Variants in SLC9A2 observed in about 807,000 individuals in gnomAD.
SLC9A2 encodes solute carrier family 9 member A2.
A neutral mutation model predicts 71.7 loss-of-function variants in SLC9A2; 42 were observed. The ratio of observed to expected loss-of-function variants is 0.59; its 90% confidence interval spans 0.46 to 0.76. SLC9A2 has a LOEUF of 0.76. Ranked by LOEUF, SLC9A2 falls within the 30% of genes least tolerant of loss-of-function variation. The pLI, the probability that SLC9A2 is intolerant of heterozygous loss-of-function variation, is 0.00. For missense variants in SLC9A2, 829 were observed against 1,017.4 expected, an observed-to-expected ratio of 0.81 and a Z score of 2.52; for synonymous variants, 396 against 392.5, an observed-to-expected ratio of 1.01 and a Z score of -0.10.
At chr2:102,655,392 G>A (rs2104518169) in intron 1 of SLC9A2, among the ~76,000 whole-genome samples, 1 of 152,200 alleles carries the variant, frequency 6.6e-6, no homozygotes, top group South Asian at 2.1e-4. Flanking sequence ...GACCTCAGAT[G>A]ATCCACCTGC....
chr2:102,624,556 G>A (rs1340485872), intron 1 of SLC9A2, among the ~76,000 whole-genome samples: 1 of 152,116 alleles, frequency 6.6e-6, no homozygotes, highest in Non-Finnish European at 1.5e-5. Context: ...CAAGGTTTAA[G>A]GACAAAACAC....
At position 102,705,870 on chromosome 2, in the gene SLC9A2, T is replaced by C; in HGVS notation, c.2002T>C (p.Leu668=). The change falls in exon 11 of 12, where the codon TTA becomes CTA. Residue 668 remains leucine (L), a synonymous_variant. Transcript: ENST00000233969. ...HRASTSTSRY[L]SLPKNTKLPE... ...GGCTTCCACTTCAACCTCCCGATAT[T>C]TATCCTTACCTAAAAATACGAAGCT... 1 of 1,603,800 alleles carries C rather than the reference T, an allele frequency of 6.2e-7. No individual in the cohort carries two copies.
chr2:102,667,289 A>T (rs538658389), intron 3 of SLC9A2, among the ~76,000 whole-genome samples: 1 of 152,284 alleles, frequency 6.6e-6, no homozygotes, highest in African/African-American at 2.4e-5. Flanking sequence ...GGTCTCTAAA[A>T]AGAGTGTGGG....
At chr2:102,693,523 T>A (rs1002678810) in intron 5 of SLC9A2, among the ~76,000 whole-genome samples, 1 of 152,236 alleles carries the variant, frequency 6.6e-6, no homozygotes, top group Non-Finnish European at 1.5e-5. Flanking sequence ...CCTAGTTTAC[T>A]GAAGAGCTGA....
At chr2:102,689,457 C>T (rs1010189395) in intron 5 of SLC9A2, among the ~76,000 whole-genome samples, 7 of 152,134 alleles carry the variant, frequency 4.6e-5, no homozygotes, top group African/African-American at 1.7e-4. Context: ...TGAATCTTTG[C>T]TGATTTAGCC....
intron 1 of SLC9A2, among the ~76,000 whole-genome samples, chr2:102,649,447 T>C (rs991415091): frequency 6.6e-6 from 1 of 152,064 alleles, no homozygotes; most frequent in Non-Finnish European, 1.5e-5. Flanking sequence ...CCAAAAGCAA[T>C]TGTAACAAAA....
intron 1 of SLC9A2, among the ~76,000 whole-genome samples, chr2:102,632,023 T>TACACACACAC (rs1320481772): frequency 1.3e-5 from 1 of 78,394 alleles, no homozygotes; most frequent in African/African-American, 4.1e-5. Context: ...TATATATATA[T>TACACACACAC]ATATATATAT....
chr2:102,667,340 C>G (rs1248257238), intron 3 of SLC9A2, among the ~76,000 whole-genome samples: 1 of 152,054 alleles, frequency 6.6e-6, no homozygotes, highest in African/African-American at 2.4e-5. Flanking sequence ...GTTGTTTTAG[C>G]AAGAGTCAGG....
chr2:102,668,640 T>A (rs1430549196), intron 3 of SLC9A2, among the ~76,000 whole-genome samples: 1 of 152,222 alleles, frequency 6.6e-6, no homozygotes, highest in African/African-American at 2.4e-5. Context: ...CTTTCCCTTG[T>A]TTTCTTAAGA....
In SLC9A2 at chr2:102,665,156, T is replaced by C. The variant is rs569326316; in HGVS notation, c.810T>C (p.Asp270=). The C allele has an allele frequency of 8.1e-6, 13 of 1,614,088 alleles. No homozygotes were observed. The Admixed American group carries it at 1.3e-4, about 17-fold the overall frequency. The change falls in exon 3 of 12, where the codon GAT becomes GAC. Residue 270 remains aspartate (D), a synonymous_variant. Coordinates refer to ENST00000233969, the MANE Select transcript of SLC9A2 (RefSeq NM_003048.6). ...FCQMKTIETI[D]VFAGIANFFV... is the part of the protein sequence containing the mutation. ...AGATGAAAACCATTGAGACCATTGA[T>C]GTGTTTGCAGGAATCGCCAACTTCT...
At chr2:102,674,287 A>C (rs1167004122) in intron 3 of SLC9A2, among the ~76,000 whole-genome samples, 2 of 152,144 alleles carry the variant, frequency 1.3e-5, no homozygotes, top group African/African-American at 4.8e-5. Context: ...TACGTGTCCC[A>C]AGGAGAACCC....
At chr2:102,680,414 G>A (rs1443756980) in intron 3 of SLC9A2, among the ~76,000 whole-genome samples, 1 of 152,124 alleles carries the variant, frequency 6.6e-6, no homozygotes, top group Admixed American at 6.5e-5. Context: ...ATATCTGGGG[G>A]AGTGCTGGCG....
chr2:102,676,246 A>G (rs891715907), intron 3 of SLC9A2, among the ~76,000 whole-genome samples: 2 of 152,148 alleles, frequency 1.3e-5, no homozygotes, highest in Non-Finnish European at 2.9e-5. Flanking sequence ...TTCCATCATC[A>G]AAGTGTTGGT....
chr2:102,641,047 A>G (rs1676569624), intron 1 of SLC9A2, among the ~76,000 whole-genome samples: 1 of 152,174 alleles, frequency 6.6e-6, no homozygotes. Flanking sequence ...GCAGAGACCA[A>G]ATATATACTT....
chr2:102,676,770 G>A (rs1447033873), intron 3 of SLC9A2, among the ~76,000 whole-genome samples: 1 of 152,220 alleles, frequency 6.6e-6, no homozygotes, highest in African/African-American at 2.4e-5. Context: ...AACGTGCCCA[G>A]AGTCACCACA....
Position 102,620,025 on chromosome 2 carries a change from A to T in SLC9A2, c.177A>T (p.Gly59=), listed in dbSNP as rs1273427322. 1.2e-6 allele frequency: 2 copies of T among 1,613,968 alleles called. No homozygotes were observed. Among genetic ancestry groups the T allele is most frequent in the Admixed American group, 1.7e-5 (1 of 60,010 alleles). ...PPSPASVVAP[G]TTLFEESRLP... ...GCCCTGCGAGCGTGGTGGCTCCCGG[A>T]ACGACGCTGTTCGAGGAGAGCCGGC... Residue 59 remains glycine, a synonymous_variant, in exon 1 of 12, where the codon GGA becomes GGT. Transcript: ENST00000233969.
In SLC9A2 at chr2:102,673,645, C is replaced by T. The variant is rs555234724; in HGVS notation, c.1004+8295C>T. Among the ~76,000 whole-genome samples, 44 of 152,116 alleles carry T rather than the reference C, an allele frequency of 2.9e-4. No homozygotes were observed. The East Asian group carries it at 8.1e-3, about 28-fold the overall frequency. ...GACTGTTTCTTGACTGTTCTTTATG[C>T]TTATTTTTTAAAAAGGATGATATCC... is the stretch of plus-strand genomic sequence containing the variant. On this transcript the variant is annotated intron_variant, in intron 3 of 11. Coordinates refer to ENST00000233969, the MANE Select transcript of SLC9A2 (RefSeq NM_003048.6).
chr2:102,625,033 C>T (rs965927721), intron 1 of SLC9A2, among the ~76,000 whole-genome samples: 3 of 152,186 alleles, frequency 2.0e-5, no homozygotes, highest in African/African-American at 7.2e-5. Context: ...AGGGTCTTCA[C>T]CTGCTATCTG....
At chr2:102,630,363 G>T (rs537333646) in intron 1 of SLC9A2, among the ~76,000 whole-genome samples, 1 of 151,942 alleles carries the variant, frequency 6.6e-6, no homozygotes, top group Non-Finnish European at 1.5e-5. Context: ...GTTTGGTGTT[G>T]TTCATCACTC....
Sources: gnomAD v4.1 joint callset for allele counts (sites outside exome capture counted in the v4.1 genomes callset) on GRCh38, gnomAD v4.1.1 for gene constraint, MANE v1.5 for transcripts, NCBI Gene and HGNC (gene_info 2026-07-23, HGNC 2026-07-21) for gene names.